Variants in COL22A1 observed in about 807,000 individuals in gnomAD.
COL22A1 encodes collagen alpha-1(XXII) chain.
Under a neutral mutation model 248.9 loss-of-function variants are expected in COL22A1, and 221 were observed. The ratio of observed to expected loss-of-function variants is 0.89; its 90% CI spans 0.80 to 0.99. COL22A1 has a LOEUF of 0.99. COL22A1 is among the 50% of genes least tolerant of loss of function. COL22A1 has a pLI of 0.00. For missense variants in COL22A1, 2,240 were observed against 2,179.0 expected (o/e 1.03, Z -0.56); for synonymous variants, 891 against 793.4 (o/e 1.12, Z -2.07).
At chr8:138,913,442 C>T (rs978685920) in intron 1 of COL22A1, among the ~76,000 whole-genome samples, 177 bp downstream of exon 1, 3 of 152,176 alleles carry the variant, frequency 2.0e-5, no homozygotes, top group Non-Finnish European at 4.4e-5. Flanking sequence ...TAGTCACTCC[C>T]TAAAGAGCGA....
intron 2 of COL22A1, among the ~76,000 whole-genome samples, chr8:138,881,997 C>T (rs1432482136): frequency 1.3e-5 from 2 of 152,152 alleles, no homozygotes; most frequent in Admixed American, 6.5e-5. Flanking sequence ...TCCCAACTAC[C>T]GGGTCTACTA....
At chr8:138,658,390 G>A (rs1410967542) in intron 44 of COL22A1, among the ~76,000 whole-genome samples, 5 of 152,170 alleles carry the variant, frequency 3.3e-5, no homozygotes, top group Admixed American at 1.3e-4. Context: ...TATGGTGGGT[G>A]CCTTGGACAC....
chr8:138,875,350 T>C (rs967676207), intron 3 of COL22A1, among the ~76,000 whole-genome samples: 2 of 152,112 alleles, frequency 1.3e-5, no homozygotes, highest in African/African-American at 4.8e-5. Context: ...TGGGGTTGTC[T>C]TTGCCATTCT....
chr8:138,855,195 G>A (rs576439587), intron 3 of COL22A1, among the ~76,000 whole-genome samples: 138 of 152,336 alleles, frequency 9.1e-4, no homozygotes, highest in Non-Finnish European at 1.7e-3. Flanking sequence ...TGCCCACATG[G>A]TGCTTATTAT....
intron 23 of COL22A1, among the ~76,000 whole-genome samples, chr8:138,727,174 G>T (rs556319766): frequency 9.9e-5 from 15 of 152,162 alleles, no homozygotes; most frequent in African/African-American, 3.6e-4. Flanking sequence ...AGTTCACCAC[G>T]CCCTCCTCCC....
intron 22 of COL22A1, among the ~76,000 whole-genome samples, chr8:138,747,161 G>A (rs1365237060): frequency 6.6e-6 from 1 of 152,180 alleles, no homozygotes; most frequent in African/African-American, 2.4e-5. Context: ...GAAACAACAT[G>A]ATGTGATGAT....
chr8:138,643,498 G>C (rs1821901371), intron 47 of COL22A1, among the ~76,000 whole-genome samples: 1 of 152,088 alleles, frequency 6.6e-6, no homozygotes, highest in South Asian at 2.1e-4. Flanking sequence ...CATAATAACA[G>C]TGCCAACACC....
At chr8:138,626,337 G>A in intron 50 of COL22A1, 94 bp from the exon 51 acceptor site, 2 of 993,886 alleles carry the variant, frequency 2.0e-6, no homozygotes. Flanking sequence ...TGGGTTGGGG[G>A]AGTGAGTGTT....
In COL22A1 at chr8:138,720,743, A is replaced by G. The variant is rs1214450802; in HGVS notation, c.2351T>C (p.Leu784Pro). The change falls in exon 27 of 65, where the codon CTT (leucine) becomes CCT (proline). Residue 784 changes from leucine (L) to proline (P), a missense_variant. Coordinates refer to ENST00000303045, the MANE Select transcript of COL22A1 (RefSeq NM_152888.3). ...GEDGLPGKPGLRGEIGEQGLA... is the reference protein window; with the variant it reads ...GEDGLPGKPGPRGEIGEQGLA... ...AAAAAGAGGCAAAGTCCATACCCGA[A>G]GGCCTGGTTTTCCAGGCAGACCATC... The G allele has an allele frequency of 6.2e-6, 10 of 1,613,394 alleles. No individual in the cohort carries two copies. The highest frequency in any genetic ancestry group is 8.5e-6 in the Non-Finnish European group (10 of 1,179,308).
chr8:138,677,931 G>A (rs976313426), intron 40 of COL22A1, among the ~76,000 whole-genome samples: 1 of 152,206 alleles, frequency 6.6e-6, no homozygotes, highest in Non-Finnish European at 1.5e-5. Flanking sequence ...AGCCTCAGAA[G>A]CTTGTTATGA....
At chr8:138,683,546 G>A (rs1198485768) in intron 39 of COL22A1, among the ~76,000 whole-genome samples, 1 of 152,168 alleles carries the variant, frequency 6.6e-6, no homozygotes, top group African/African-American at 2.4e-5. Flanking sequence ...GTCACTAGGT[G>A]TTGGTGGAAA....
rs114087205 is a variant in COL22A1 at position 138,816,319 on chromosome 8, T to C, written c.1246-3300A>G. Among the ~76,000 whole-genome samples, 1,033 of 152,204 alleles carry C rather than the reference T, an allele frequency of 6.8e-3. 8 individuals carry two copies. The highest frequency in any genetic ancestry group is 0.024 in the African/African-American group (988 of 41,534). On this transcript the variant is annotated intron_variant, in intron 7 of 64. Coordinates refer to ENST00000303045, the MANE Select transcript of COL22A1 (RefSeq NM_152888.3). ...TGCCAGCATTGCCCCAGCCACTCAA[T>C]CCTTCTCTTCCTTTCCTCCCTGCCC...
chr8:138,698,100 A>G (rs759289182), intron 32 of COL22A1, among the ~76,000 whole-genome samples: 9 of 152,182 alleles, frequency 5.9e-5, no homozygotes, highest in Non-Finnish European at 1.2e-4. Flanking sequence ...GAGGCTGGAC[A>G]TGTAGGCTTG....
intron 32 of COL22A1, among the ~76,000 whole-genome samples, chr8:138,698,130 AG>A (rs1317859774): frequency 1.3e-5 from 2 of 152,184 alleles, no homozygotes; most frequent in Non-Finnish European, 2.9e-5. Flanking sequence ...CGAGGGGCTC[AG>A]GGTGGACCTG....
intron 3 of COL22A1, among the ~76,000 whole-genome samples, chr8:138,850,109 G>GT (rs764779943): frequency 2.6e-5 from 4 of 152,076 alleles, no homozygotes; most frequent in Non-Finnish European, 5.9e-5. Context: ...GACAACTCAG[G>GT]GTTCAGACAT....
chr8:138,899,351 G>C (rs1048990650), intron 1 of COL22A1, among the ~76,000 whole-genome samples: 2 of 152,090 alleles, frequency 1.3e-5, no homozygotes, highest in South Asian at 2.1e-4. Context: ...ACCTTTAAAG[G>C]GGGACATGAT....
chr8:138,878,760 C>A (rs975582815), intron 2 of COL22A1, among the ~76,000 whole-genome samples: 1 of 152,196 alleles, frequency 6.6e-6, no homozygotes, highest in Non-Finnish European at 1.5e-5. Context: ...GTAATCCCAG[C>A]ACTTTGGGAG....
intron 60 of COL22A1, among the ~76,000 whole-genome samples, chr8:138,600,154 G>A (rs1278309215): frequency 1.3e-5 from 2 of 152,206 alleles, no homozygotes; most frequent in Non-Finnish European, 1.5e-5. Context: ...GCAAGCCCAG[G>A]GCAGTCCAGT....
chr8:138,880,875 C>CT (rs1380252907), intron 2 of COL22A1, among the ~76,000 whole-genome samples: 1 of 152,224 alleles, frequency 6.6e-6, no homozygotes, highest in African/African-American at 2.4e-5. Flanking sequence ...TGTTTGAAGG[C>CT]TACAGAAGTT....
Sources: allele counts gnomAD v4.1 joint callset (sites outside exome capture counted in the v4.1 genomes callset), GRCh38; gene constraint gnomAD v4.1.1; transcripts MANE v1.5; gene names NCBI Gene and HGNC (gene_info 2026-07-23, HGNC 2026-07-21).